Variants in SNX13 observed in about 807,000 individuals in gnomAD.
SNX13 encodes the protein sorting nexin-13.
SNX13 carries 45 observed loss-of-function variants against 133.6 expected under a neutral mutation model. The ratio of observed to expected loss-of-function variants is 0.34; its 90% CI spans 0.27 to 0.43. The LOEUF is 0.43. Ranked by LOEUF, SNX13 falls within the 20% of genes least tolerant of loss-of-function variation. SNX13 has a pLI of 1.00. For missense variants in SNX13, 1,032 were observed against 1,145.1 expected (o/e 0.90, Z 1.43); for synonymous variants, 414 against 373.9 (o/e 1.11, Z -1.24).
intron 2 of SNX13, among the ~76,000 whole-genome samples, chr7:17,895,729 T>C (rs1331420779): frequency 1.3e-5 from 2 of 152,300 alleles, no homozygotes; most frequent in East Asian, 3.9e-4. Flanking sequence ...ATAAACTTTG[T>C]GCAGGATCTG....
At chr7:17,815,242 G>A (rs898100042) in intron 19 of SNX13, among the ~76,000 whole-genome samples, 1 of 152,112 alleles carries the variant, frequency 6.6e-6, no homozygotes, top group African/African-American at 2.4e-5. Flanking sequence ...ATACTAAGAA[G>A]ATCCACGTTA....
intron 16 of SNX13, among the ~76,000 whole-genome samples, chr7:17,827,204 G>C (rs1274473888): frequency 6.6e-6 from 1 of 152,008 alleles, no homozygotes; most frequent in African/African-American, 2.4e-5. Flanking sequence ...CCAGCCATGA[G>C]TAAGACTATG....
At chr7:17,931,129 C>T (rs986059228) in intron 1 of SNX13, among the ~76,000 whole-genome samples, 2 of 152,162 alleles carry the variant, frequency 1.3e-5, no homozygotes, top group African/African-American at 2.4e-5. Flanking sequence ...GGGTACCATA[C>T]AAGAAAAAGA....
Position 17,822,200 on chromosome 7 carries a change from AT to A in SNX13, c.1706-553del, listed in dbSNP as rs796136707. Among the ~76,000 whole-genome samples, 73 of 147,292 alleles carry A rather than the reference AT, an allele frequency of 5.0e-4. No individual in the cohort carries two copies. The South Asian group carries it at 7.1e-3, about 14-fold the overall frequency. ...TTCACAAGTGCGGTTTATTCTGGGG[AT>A]TTTTTTTTTTCAAAGCATTTTCGCA... On this transcript the variant is annotated intron_variant, in intron 17 of 25. Coordinates refer to ENST00000428135, the MANE Select transcript of SNX13 (RefSeq NM_015132.5).
intron 1 of SNX13, among the ~76,000 whole-genome samples, chr7:17,934,922 T>C (rs898109038): frequency 1.3e-5 from 2 of 152,210 alleles, no homozygotes; most frequent in African/African-American, 4.8e-5. Context: ...TCTTGTACAC[T>C]GTAGGTAGAA....
At chr7:17,875,383 T>G in intron 7 of SNX13, 97 bp downstream of exon 7, 1 of 876,174 alleles carries the variant, frequency 1.1e-6, no homozygotes, top group Non-Finnish European at 1.8e-6. Context: ...CTACCTGCCC[T>G]AAGTAAGAAT....
chr7:17,814,713 A>T, intron 20 of SNX13, 121 bp downstream of exon 20: 5 of 757,160 alleles, frequency 6.6e-6, no homozygotes, highest in Non-Finnish European at 2.0e-6. Context: ...CATGCCGAGA[A>T]CTTAATAAAA....
chr7:17,937,561 GAA>G (rs1802256391), intron 1 of SNX13, among the ~76,000 whole-genome samples: 2 of 144,968 alleles, frequency 1.4e-5, no homozygotes, highest in African/African-American at 2.5e-5. Context: ...ACGCAAAACT[GAA>G]AAGTTTCATA....
At chr7:17,827,705 T>C (rs1788062056) in intron 16 of SNX13, among the ~76,000 whole-genome samples, 1 of 151,796 alleles carries the variant, frequency 6.6e-6, no homozygotes, top group African/African-American at 2.4e-5. Context: ...GTTTTCCCAA[T>C]GGTAAAATGG....
Position 17,906,285 on chromosome 7 carries a change from T to C in SNX13, c.13-8839A>G, listed in dbSNP as rs141020364. Among the ~76,000 whole-genome samples, 751 of 152,230 alleles carry C rather than the reference T, an allele frequency of 4.9e-3. 5 individuals are homozygous for C. Among genetic ancestry groups the C allele is most frequent in the African/African-American group, 0.017 (723 of 41,564 alleles). On this transcript the variant is annotated intron_variant, in intron 1 of 25. Coordinates refer to ENST00000428135, the MANE Select transcript of SNX13 (RefSeq NM_015132.5). ...AATTCATTCGACATTTAATAAAACA[T>C]AGACAAAACTATTTCCACATGATAT...
chr7:17,801,013 T>C (rs1159858043), intron 22 of SNX13, among the ~76,000 whole-genome samples: 2 of 7,858 alleles, frequency 2.5e-4, no homozygotes, highest in East Asian at 0.022. Flanking sequence ...ACTGAACATA[T>C]ATATATATAT....
intron 5 of SNX13, among the ~76,000 whole-genome samples, chr7:17,877,896 A>C (rs183422648): frequency 2.6e-5 from 4 of 152,106 alleles, no homozygotes; most frequent in Admixed American, 2.6e-4. Flanking sequence ...ACTTAATATA[A>C]ATCTCAAAAG....
At chr7:17,803,340 G>A (rs759855834) in intron 21 of SNX13, 79 bp downstream of exon 21, 28 of 1,353,164 alleles carry the variant, frequency 2.1e-5, no homozygotes, top group Non-Finnish European at 2.7e-5. Context: ...AGGGACTAAG[G>A]TAAATCCAAC....
At chr7:17,822,230 C>T (rs1033416109) in intron 17 of SNX13, among the ~76,000 whole-genome samples, 51 of 151,884 alleles carry the variant, frequency 3.4e-4, no homozygotes, top group Non-Finnish European at 1.3e-4. Context: ...TTTCGCATTA[C>T]TTTGCCACAT....
At chr7:17,909,801 G>T (rs1384094082) in intron 1 of SNX13, among the ~76,000 whole-genome samples, 1 of 152,168 alleles carries the variant, frequency 6.6e-6, no homozygotes, top group Non-Finnish European at 1.5e-5. Context: ...GATCTGTGCA[G>T]CAAACCACCA....
At chr7:17,840,040 C>A in intron 12 of SNX13, 40 bp from the exon 13 acceptor site, 1 of 1,546,512 alleles carries the variant, frequency 6.5e-7, no homozygotes. Flanking sequence ...ATATTAGTGT[C>A]ACACAATTTG....
In SNX13 at chr7:17,817,869, C is replaced by T. The variant is rs527456911; in HGVS notation, c.1846-1580G>A. The stretch of plus-strand genomic sequence containing the variant: ...AAAACACATATTTTTCCTGGTATTA[C>T]CAAGTCTTGTGTGCTTGTACTGTAT... On this transcript the variant is annotated intron_variant, in intron 18 of 25. Coordinates refer to ENST00000428135, the MANE Select transcript of SNX13 (RefSeq NM_015132.5). 3.3e-5 allele frequency among the ~76,000 whole-genome samples: 5 copies of T among 152,256 alleles called. No individual in the cohort carries two copies. In the South Asian group the frequency reaches 6.2e-4, roughly 19 times the overall value.
At chr7:17,808,245 T>C (rs1337400306) in intron 20 of SNX13, among the ~76,000 whole-genome samples, 1 of 151,956 alleles carries the variant, frequency 6.6e-6, no homozygotes, top group Non-Finnish European at 1.5e-5. Flanking sequence ...ATAACCAATG[T>C]AGAGAAGATC....
Position 17,808,713 on chromosome 7 carries a change from A to T in SNX13, c.2065-5133T>A, listed in dbSNP as rs557314094. 2.6e-4 allele frequency among the ~76,000 whole-genome samples: 39 copies of T among 152,312 alleles called. 1 individual carries two copies. In the South Asian group the frequency reaches 6.2e-3, roughly 24 times the overall value. On this transcript the variant is annotated intron_variant, in intron 20 of 25. Transcript: ENST00000428135. ...TTAAGGGCAGCCAGAGAGAAAGGTC[A>T]GGTTACCCACAAAGGGAAGCCCGTC...
Sources: gnomAD v4.1 joint callset for allele counts (sites outside exome capture counted in the v4.1 genomes callset) on GRCh38, gnomAD v4.1.1 for gene constraint, MANE v1.5 for transcripts, NCBI Gene and HGNC (gene_info 2026-07-23, HGNC 2026-07-21) for gene names.